The following STAC variants were observed in gnomAD, a reference collection of about 807,000 sequenced individuals.
STAC encodes the protein SH3 and cysteine rich domain, also known as SH3 and cysteine-rich domain-containing protein.
Under a neutral mutation model 48.8 loss-of-function variants are expected in STAC, and 43 were observed. That is an observed-to-expected ratio of 0.88 (90% CI 0.69 to 1.14). The LOEUF is 1.14. Among genes scored for constraint, STAC ranks in the 50% most tolerant of loss-of-function variants. STAC has a pLI of 0.00. For synonymous variants in STAC, 193 were observed against 179.5 expected (o/e 1.07, Z -0.60); for missense variants, 497 against 504.0 (o/e 0.99, Z 0.13).
At chr3:36,381,335 G>A (rs968123220) in intron 1 of STAC, among the ~76,000 whole-genome samples, 1 of 152,226 alleles carries the variant, frequency 6.6e-6, no homozygotes, top group African/African-American at 2.4e-5. Flanking sequence ...TTTTATGAAA[G>A]TTACACTAAC....
At chr3:36,493,274 A>C in intron 6 of STAC, 45 bp downstream of exon 6, 1 of 1,591,976 alleles carries the variant, frequency 6.3e-7, no homozygotes, top group Non-Finnish European at 8.6e-7. Context: ...CACATGAGTC[A>C]GGGTCAGTGG....
intron 8 of STAC, among the ~76,000 whole-genome samples, chr3:36,516,217 C>T (rs192245362): frequency 1.7e-3 from 252 of 152,050 alleles, no homozygotes; most frequent in African/African-American, 5.7e-3. Context: ...CTCCTGACCT[C>T]GTGATCCTCC....
chr3:36,539,015 A>G (rs191034371), intron 10 of STAC, among the ~76,000 whole-genome samples: 1 of 152,040 alleles, frequency 6.6e-6, no homozygotes, highest in Non-Finnish European at 1.5e-5. Context: ...TTATTATTTT[A>G]CACTTCTCTA....
At chr3:36,423,745 G>A (rs866339314) in intron 1 of STAC, among the ~76,000 whole-genome samples, 30 of 152,050 alleles carry the variant, frequency 2.0e-4, no homozygotes, top group African/African-American at 7.0e-4. Context: ...AAATATATAA[G>A]TATGAGCAAA....
At position 36,387,256 on chromosome 3, in the gene STAC, T is replaced by C. The variant is rs146691430; in HGVS notation, c.111+6502T>C. ...TTTGTTTCTAGTTCATTTTTTTCCT[T>C]CTTTTTTAGATTCTACTCCACGTAG... On this transcript the variant is annotated intron_variant, in intron 1 of 10. Coordinates refer to ENST00000273183, the MANE Select transcript of STAC (RefSeq NM_003149.3). Among the ~76,000 whole-genome samples, 508 of 152,220 alleles carry C rather than the reference T, an allele frequency of 3.3e-3. 4 individuals are homozygous for C. Among genetic ancestry groups the C allele is most frequent in the Middle Eastern group, 0.014 (4 of 294 alleles).
chr3:36,524,463 GC>G (rs1476157873), intron 8 of STAC, among the ~76,000 whole-genome samples: 7 of 152,076 alleles, frequency 4.6e-5, no homozygotes, highest in Middle Eastern at 3.4e-3. Flanking sequence ...ATGGTAGCGG[GC>G]GCCTTTCTTC....
intron 1 of STAC, among the ~76,000 whole-genome samples, chr3:36,386,476 T>C (rs1575168163): frequency 9.9e-6 from 1 of 100,650 alleles, no homozygotes; most frequent in South Asian, 3.1e-4. Context: ...AATTCTTACA[T>C]TTTTCTCTTC....
At chr3:36,525,208 G>A (rs1698904420) in intron 8 of STAC, among the ~76,000 whole-genome samples, 1 of 152,004 alleles carries the variant, frequency 6.6e-6, no homozygotes, top group Non-Finnish European at 1.5e-5. Context: ...AATATTTGTT[G>A]AATGAGTGGG....
intron 5 of STAC, among the ~76,000 whole-genome samples, chr3:36,489,392 A>C (rs1472519021): frequency 6.6e-6 from 1 of 152,204 alleles, no homozygotes; most frequent in Non-Finnish European, 1.5e-5. Context: ...CTCTGGGCAC[A>C]GTTTGCCGTT....
rs185917466 is a variant in STAC, at chr3:36,384,112, G to T, written c.111+3358G>T. Among the ~76,000 whole-genome samples, 318 of 152,132 alleles carry T rather than the reference G, an allele frequency of 2.1e-3. 5 individuals are homozygous for T. Among genetic ancestry groups the T allele is most frequent in the Non-Finnish European group, 4.6e-4 (31 of 67,962 alleles). On this transcript the variant is annotated intron_variant, in intron 1 of 10. Coordinates refer to ENST00000273183, the MANE Select transcript of STAC (RefSeq NM_003149.3). ...TGACAGCCTAATTTATTTTTTAAGG[G>T]CTTGACAGAGACCATTGAATATAAA...
intron 5 of STAC, among the ~76,000 whole-genome samples, chr3:36,486,525 C>T (rs180851161): frequency 1.1e-4 from 16 of 152,328 alleles, no homozygotes; most frequent in African/African-American, 3.8e-4. Context: ...CCTTTACCCT[C>T]CCACCAACAT....
intron 1 of STAC, among the ~76,000 whole-genome samples, chr3:36,425,579 A>G (rs949573074): frequency 6.6e-6 from 1 of 152,222 alleles, no homozygotes; most frequent in African/African-American, 2.4e-5. Flanking sequence ...ATAAGCTGAT[A>G]GTTTTATATC....
At chr3:36,520,724 A>G (rs1166490864) in intron 8 of STAC, among the ~76,000 whole-genome samples, 2 of 152,228 alleles carry the variant, frequency 1.3e-5, no homozygotes, top group Non-Finnish European at 2.9e-5. Context: ...TTATGCTCTG[A>G]TGCTGCACTA....
chr3:36,416,086 T>C (rs954539939), intron 1 of STAC, among the ~76,000 whole-genome samples: 2 of 152,228 alleles, frequency 1.3e-5, no homozygotes, highest in Admixed American at 6.5e-5. Flanking sequence ...TATTCTGTAA[T>C]ATAATTTTTA....
chr3:36,399,740 T>G (rs950933139), intron 1 of STAC, among the ~76,000 whole-genome samples: 5 of 152,180 alleles, frequency 3.3e-5, no homozygotes, highest in Non-Finnish European at 1.5e-5. Flanking sequence ...TCGAGAATCT[T>G]GGAAAAATTT....
chr3:36,449,428 C>T (rs1200509340), intron 2 of STAC, among the ~76,000 whole-genome samples: 3 of 152,082 alleles, frequency 2.0e-5, no homozygotes, highest in Admixed American at 6.6e-5. Flanking sequence ...TTCTAACACT[C>T]GCAAGGGCAG....
At chr3:36,465,226 T>C (rs1457376558) in intron 2 of STAC, among the ~76,000 whole-genome samples, 2 of 152,222 alleles carry the variant, frequency 1.3e-5, no homozygotes, top group Non-Finnish European at 2.9e-5. Flanking sequence ...TGTTGAACAT[T>C]TTTTCATATG....
chr3:36,409,000 A>G (rs1700138874), intron 1 of STAC, among the ~76,000 whole-genome samples: 1 of 152,182 alleles, frequency 6.6e-6, no homozygotes, highest in South Asian at 2.1e-4. Context: ...TTCACATAAT[A>G]TAGTGGGAAA....
At chr3:36,439,779 G>T (rs140099412) in intron 1 of STAC, among the ~76,000 whole-genome samples, 1 of 152,102 alleles carries the variant, frequency 6.6e-6, no homozygotes, top group African/African-American at 2.4e-5. Flanking sequence ...ATGAATGATT[G>T]TCTCATAGCC....
Sources: allele counts gnomAD v4.1 joint callset (sites outside exome capture counted in the v4.1 genomes callset), GRCh38; gene constraint gnomAD v4.1.1; transcripts MANE v1.5; gene names NCBI Gene and HGNC (gene_info 2026-07-23, HGNC 2026-07-21).